ZNF709: variants seen among roughly 807,000 people sequenced by gnomAD.
The protein encoded by ZNF709 is zinc finger protein 709.
A neutral mutation model predicts 10.6 loss-of-function variants in ZNF709; 15 were observed. The observed-to-expected ratio is 1.41, with a 90% CI of 0.95 to 2.18. The LOEUF (loss-of-function observed/expected upper bound fraction) is 2.18. ZNF709 is among the 30% of genes most tolerant of loss of function. ZNF709 has a pLI of 0.00. For missense variants in ZNF709, 589 were observed against 774.0 expected, an observed-to-expected ratio of 0.76 and a Z score of 2.84; for synonymous variants, 194 against 238.8, an observed-to-expected ratio of 0.81 and a Z score of 1.73.
intron 1 of ZNF709, among the ~76,000 whole-genome samples, chr19:12,484,304 C>A (rs1232632712): frequency 6.6e-6 from 1 of 152,204 alleles, no homozygotes; most frequent in Non-Finnish European, 1.5e-5. Flanking sequence ...CAACACTGCT[C>A]CTCCCACGCA....
At chr19:12,476,576 G>C (rs1200586761) in intron 1 of ZNF709, among the ~76,000 whole-genome samples, 1 of 152,138 alleles carries the variant, frequency 6.6e-6, no homozygotes, top group Non-Finnish European at 1.5e-5. Context: ...GAATGAAAAA[G>C]ACTCTAGAGC....
intron 1 of ZNF709, among the ~76,000 whole-genome samples, chr19:12,484,266 G>T (rs1970757856): frequency 6.6e-6 from 1 of 152,162 alleles, no homozygotes. Context: ...CCTCCCTTGG[G>T]AAGAAAAGAG....
chr19:12,466,927 T>TCATATATAA (rs1970576224), intron 1 of ZNF709, 77 bp from the exon 2 acceptor site: 2 of 1,513,044 alleles, frequency 1.3e-6, no homozygotes, highest in Admixed American at 4.6e-5. Flanking sequence ...TCATTAAAAG[T>TCATATATAA]TCATATATAA....
chr19:12,472,728 C>A (rs1271369402), intron 1 of ZNF709, among the ~76,000 whole-genome samples: 4 of 151,810 alleles, frequency 2.6e-5, no homozygotes, highest in African/African-American at 7.3e-5. Context: ...ACAAAAAATA[C>A]AAAAATTAGC....
intron 1 of ZNF709, chr19:12,481,023 A>G: frequency 4.1e-6 from 1 of 243,878 alleles, no homozygotes; most frequent in Non-Finnish European, 6.6e-6. Context: ...GGCTCAAGCA[A>G]TCCACCTGCC....
intron 1 of ZNF709, among the ~76,000 whole-genome samples, chr19:12,467,987 G>GC (rs1183491481): frequency 1.3e-5 from 2 of 149,400 alleles, no homozygotes; most frequent in African/African-American, 2.5e-5. Context: ...GTGGGGGTCA[G>GC]CCCCCGCACG....
At chr19:12,481,079 T>C (rs747143367) in intron 1 of ZNF709, 2 of 762,632 alleles carry the variant, frequency 2.6e-6, no homozygotes, top group Non-Finnish European at 3.2e-6. Context: ...CCACGATGCC[T>C]GGCCTCTTTT....
At chr19:12,466,144 T>C (rs1970568903) in intron 3 of ZNF709, among the ~76,000 whole-genome samples, 1 of 152,158 alleles carries the variant, frequency 6.6e-6, no homozygotes, top group Non-Finnish European at 1.5e-5. Context: ...TTTTGCCATG[T>C]TGGCCAGGCT....
At position 12,465,223 on chromosome 19, in the gene ZNF709, G is replaced by A. The variant is rs766518380; in HGVS notation, c.699C>T (p.Phe233=). ...PYKCKECGKT[F]SHPSSFRNHE... ...GATTTCGAAAAGAACTGGGATGACT[G>A]AACGTTTTCCCGCATTCTTTACATT... Residue 233 remains phenylalanine (F), a synonymous_variant, in exon 4 of 4, where the codon TTC becomes TTT. Transcript: ENST00000397732. 6.2e-7 allele frequency: 1 copy of A among 1,613,066 alleles called. No homozygotes were observed. Among genetic ancestry groups the A allele is most frequent in the Non-Finnish European group, 8.5e-7 (1 of 1,179,180 alleles).
Sources: gnomAD v4.1 joint callset for allele counts (sites outside exome capture counted in the v4.1 genomes callset) on GRCh38, gnomAD v4.1.1 for gene constraint, MANE v1.5 for transcripts, NCBI Gene and HGNC (gene_info 2026-07-23, HGNC 2026-07-21) for gene names.